FARP1: variants seen among roughly 807,000 people sequenced by gnomAD.
FARP1 encodes the protein FERM, ARH/RhoGEF and pleckstrin domain protein 1.
In FARP1, 52 loss-of-function variants were observed where a neutral mutation model predicts 128.8. That is an observed-to-expected ratio of 0.40 (90% CI 0.32 to 0.51). FARP1 has a LOEUF of 0.51. Among genes scored for constraint, FARP1 ranks in the 20% least tolerant of loss-of-function variants. FARP1 has a pLI of 0.45. For missense variants in FARP1, 1,333 were observed against 1,367.9 expected, an observed-to-expected ratio of 0.97 and a Z score of 0.40; for synonymous variants, 580 against 551.8, an observed-to-expected ratio of 1.05 and a Z score of -0.72.
At chr13:98,313,201 T>TAC (rs950519755) in intron 2 of FARP1, among the ~76,000 whole-genome samples, 7 of 128,600 alleles carry the variant, frequency 5.4e-5, no homozygotes, top group African/African-American at 8.9e-5. Flanking sequence ...TGGGTCATAA[T>TAC]ACACACACAC....
chr13:98,286,539 C>T (rs1185908791), intron 2 of FARP1, among the ~76,000 whole-genome samples: 1 of 152,176 alleles, frequency 6.6e-6, no homozygotes. Context: ...TTGTCTGCCG[C>T]CATGTGAGAC....
intron 1 of FARP1, among the ~76,000 whole-genome samples, chr13:98,197,771 T>A (rs1391750070): frequency 1.3e-5 from 2 of 151,572 alleles, no homozygotes. Context: ...AGTAGCTGGG[T>A]CTACAGGCAC....
chr13:98,299,959 G>A (rs1885854120), intron 2 of FARP1, among the ~76,000 whole-genome samples: 1 of 152,118 alleles, frequency 6.6e-6, no homozygotes, highest in Non-Finnish European at 1.5e-5. Context: ...CTAATCAGGG[G>A]GACTGAAATG....
intron 1 of FARP1, among the ~76,000 whole-genome samples, chr13:98,181,302 G>A (rs1401998491): frequency 1.6e-4 from 24 of 152,136 alleles, no homozygotes; most frequent in Admixed American, 1.5e-3. Flanking sequence ...CGCTGTGACC[G>A]ACAGCAAATG....
chr13:98,382,392 C>T (rs1171019472), intron 6 of FARP1: 2 of 152,046 alleles, frequency 1.3e-5, no homozygotes, highest in African/African-American at 4.8e-5. Flanking sequence ...AGACAAGCGA[C>T]CCAGAAGAAA....
chr13:98,410,300 C>G (rs1891143132), intron 14 of FARP1, among the ~76,000 whole-genome samples: 1 of 152,218 alleles, frequency 6.6e-6, no homozygotes, highest in Non-Finnish European at 1.5e-5. Flanking sequence ...ACCCCTGTCC[C>G]TTTAGACCCA....
At chr13:98,375,382 A>G (rs1401946081) in intron 5 of FARP1, among the ~76,000 whole-genome samples, 2 of 152,094 alleles carry the variant, frequency 1.3e-5, no homozygotes, top group Non-Finnish European at 2.9e-5. Context: ...GGCACTTACA[A>G]TTTTTTTGCC....
chr13:98,375,659 G>A (rs1245641513), intron 5 of FARP1, among the ~76,000 whole-genome samples: 1 of 151,902 alleles, frequency 6.6e-6, no homozygotes, highest in Non-Finnish European at 1.5e-5. Flanking sequence ...ACGGAGTTTC[G>A]CTCCTGTCAC....
At chr13:98,180,368 A>G (rs1343876106) in intron 1 of FARP1, among the ~76,000 whole-genome samples, 1 of 152,076 alleles carries the variant, frequency 6.6e-6, no homozygotes, top group African/African-American at 2.4e-5. Context: ...CTCATGAGGC[A>G]TCCACCCCCA....
chr13:98,298,839 G>C (rs1885808349), intron 2 of FARP1, among the ~76,000 whole-genome samples: 1 of 152,192 alleles, frequency 6.6e-6, no homozygotes. Flanking sequence ...GTTTCTTGCT[G>C]TAAAGTGGAA....
intron 2 of FARP1, among the ~76,000 whole-genome samples, chr13:98,237,909 C>T (rs771825866): frequency 9.9e-5 from 15 of 151,920 alleles, no homozygotes; most frequent in Admixed American, 1.3e-4. Context: ...GTGCTTTTTG[C>T]GAAATGCTGT....
rs1311808341 is a variant in FARP1 at position 98,453,160 on chromosome 13, T to C, written c.*4843T>C. ...AAAAAAGGAAAAACAAAACCCCAAA[T>C]GCCAAAGGAATTTCAGTGGGATGAA... On this transcript the variant is annotated 3_prime_UTR_variant, in exon 27 of 27. Transcript: ENST00000319562. 6.2e-7 allele frequency: 1 copy of C among 1,613,572 alleles called. No individual in the cohort carries two copies. Among genetic ancestry groups the C allele is most frequent in the Admixed American group, 1.7e-5 (1 of 59,924 alleles).
At chr13:98,383,287 T>C (rs556191041) in intron 6 of FARP1, among the ~76,000 whole-genome samples, 1 of 152,312 alleles carries the variant, frequency 6.6e-6, no homozygotes, top group South Asian at 2.1e-4. Flanking sequence ...TTCTGTGCCA[T>C]TTTCTGTGAT....
intron 2 of FARP1, among the ~76,000 whole-genome samples, chr13:98,218,671 C>T (rs748155224): frequency 5.9e-5 from 9 of 152,108 alleles, no homozygotes; most frequent in African/African-American, 1.9e-4. Context: ...TTTATATGTC[C>T]CATGCCAGTT....
In FARP1 at chr13:98,176,443, T is replaced by C; in HGVS notation, c.-24+32951T>C. ...ATGCCTGCACTTGGTGACGACTGGG[T>C]TTTGGAAGGCCTGGCGACATATGAA... On this transcript the variant is annotated intron_variant, in intron 1 of 26. Transcript: ENST00000319562. This position sits in a 1 kb window ranked among gnomAD's most constrained non-coding sequence, Gnocchi z 6.2. 6.2e-7 allele frequency: 1 copy of C among 1,614,130 alleles called. No homozygotes were observed. Among genetic ancestry groups the C allele is most frequent in the Non-Finnish European group, 8.5e-7 (1 of 1,180,016 alleles).
intron 24 of FARP1, among the ~76,000 whole-genome samples, chr13:98,443,605 G>A (rs1453843455): frequency 6.6e-5 from 10 of 152,202 alleles, no homozygotes; most frequent in African/African-American, 1.7e-4. Context: ...AGGAAGGGGC[G>A]TATCTGGGGA....
At chr13:98,324,925 T>C (rs1224951808) in intron 2 of FARP1, among the ~76,000 whole-genome samples, 1 of 152,234 alleles carries the variant, frequency 6.6e-6, no homozygotes, top group Admixed American at 6.5e-5. Flanking sequence ...CTATTATTTA[T>C]GGTGGGCATT....
chr13:98,444,945 C>T (rs1251441910), intron 24 of FARP1, among the ~76,000 whole-genome samples: 1 of 152,226 alleles, frequency 6.6e-6, no homozygotes, highest in Non-Finnish European at 1.5e-5. Flanking sequence ...TTGTTCCTTT[C>T]TGCCACTGGG....
At chr13:98,338,053 G>A (rs1032780765) in intron 2 of FARP1, among the ~76,000 whole-genome samples, 1 of 152,030 alleles carries the variant, frequency 6.6e-6, no homozygotes, top group African/African-American at 2.4e-5. Flanking sequence ...GTGAATTACC[G>A]TTTTCAGTTG....
Sources: gnomAD v4.1 joint callset for allele counts (sites outside exome capture counted in the v4.1 genomes callset) on GRCh38, gnomAD v4.1.1 for gene constraint, Gnocchi (gnomAD v3.1) non-coding constraint, MANE v1.5 for transcripts, NCBI Gene and HGNC (gene_info 2026-07-23, HGNC 2026-07-21) for gene names.